Variants in WFDC1 observed in about 807,000 individuals in gnomAD.
WFDC1 encodes the protein WAP four-disulfide core domain 1.
WFDC1 carries 39 observed loss-of-function variants against 32.9 expected under a neutral mutation model. The observed-to-expected ratio is 1.19, with a 90% CI of 0.92 to 1.55. WFDC1 has a LOEUF of 1.55. Among genes scored for constraint, WFDC1 ranks in the 40% most tolerant of loss-of-function variants. WFDC1 has a pLI of 0.00. For missense variants in WFDC1, 386 were observed against 309.5 expected, an observed-to-expected ratio of 1.25 and a Z score of -1.85; for synonymous variants, 184 against 137.4, an observed-to-expected ratio of 1.34 and a Z score of -2.37.
intron 3 of WFDC1, chr16:84,318,910 TTGTGTGTGTGTGTGTG>T (rs58546650): frequency 1.3e-4 from 21 of 165,584 alleles, no homozygotes; most frequent in African/African-American, 4.1e-4. Flanking sequence ...GGCTGAATAT[TTGTGTGTGTGTGTGTG>T]TGTGTGTGTG....
rs1429543923 is a variant in WFDC1 at position 84,324,421 on chromosome 16, G to A, written c.565G>A (p.Gly189Arg). 6.2e-7 allele frequency: 1 copy of A among 1,613,608 alleles called. No homozygotes were observed. The highest frequency in any genetic ancestry group is 1.3e-5 in the African/African-American group (1 of 74,872). The change falls in exon 5 of 7, where the codon GGG becomes AGG. Residue 189 changes from glycine (G) to arginine (R), a missense_variant and splice_region_variant. Coordinates refer to ENST00000219454, the MANE Select transcript of WFDC1 (RefSeq NM_021197.4). Reference sequence around the variant, plus strand: ...TTTTCCTCTCACTTGTTTTCCAGATGGGCGAATCCTACGACACAAACTTTA... The same window carrying A: ...TTTTCCTCTCACTTGTTTTCCAGATAGGCGAATCCTACGACACAAACTTTA... The part of the protein sequence containing the change: ...QCVKQRRQAD[G>R]RILRHKLYKE...
At chr16:84,301,499 G>A (rs1005777406) in intron 1 of WFDC1, among the ~76,000 whole-genome samples, 14 of 152,098 alleles carry the variant, frequency 9.2e-5, no homozygotes, top group African/African-American at 2.4e-4. Flanking sequence ...CACACCCTGC[G>A]GGACTTCATC....
intron 2 of WFDC1, chr16:84,317,672 C>T (rs528234959): frequency 6.5e-6 from 1 of 153,922 alleles, no homozygotes; most frequent in Non-Finnish European, 1.4e-5. Flanking sequence ...TTTACCTGTG[C>T]AACAAACCTG....
chr16:84,322,145 CTGTGTGTGTGTGTGCGTGTG>C (rs112790375), intron 4 of WFDC1, among the ~76,000 whole-genome samples: 1,341 of 109,444 alleles, frequency 0.012, 20 homozygotes, highest in African/African-American at 0.041. Flanking sequence ...GCCTCAGAGC[CTGTGTGTGTGTGTGCGTGTG>C]TGTGTGTGTG....
intron 2 of WFDC1, among the ~76,000 whole-genome samples, chr16:84,313,875 C>G (rs1396829295): frequency 6.6e-6 from 1 of 152,174 alleles, no homozygotes; most frequent in East Asian, 1.9e-4. Flanking sequence ...AACCCCGTCT[C>G]TACTAAAAAT....
chr16:84,303,945 T>C (rs74035067), intron 1 of WFDC1, among the ~76,000 whole-genome samples: 10,843 of 152,272 alleles, frequency 0.071, 1,217 homozygotes, highest in African/African-American at 0.24. Flanking sequence ...GTGTCTGGCT[T>C]ATTCACACTG....
At chr16:84,308,791 G>A (rs977695002) in intron 1 of WFDC1, among the ~76,000 whole-genome samples, 2 of 152,110 alleles carry the variant, frequency 1.3e-5, no homozygotes, top group African/African-American at 4.8e-5. Context: ...CATGCTGAGT[G>A]TAGACGCCAG....
At chr16:84,320,306 T>G (rs1014337719) in intron 4 of WFDC1, among the ~76,000 whole-genome samples, 1 of 152,216 alleles carries the variant, frequency 6.6e-6, no homozygotes, top group Non-Finnish European at 1.5e-5. Context: ...ACTTAAGATA[T>G]TCTCAGCTTG....
At chr16:84,304,265 T>C (rs1310282594) in intron 1 of WFDC1, among the ~76,000 whole-genome samples, 1 of 152,176 alleles carries the variant, frequency 6.6e-6, no homozygotes, top group East Asian at 1.9e-4. Flanking sequence ...GTTTCACTCT[T>C]GTCACCCAGG....
intron 1 of WFDC1, among the ~76,000 whole-genome samples, chr16:84,304,811 A>C (rs964250326): frequency 1.3e-5 from 2 of 152,192 alleles, no homozygotes; most frequent in African/African-American, 4.8e-5. Flanking sequence ...AGAGGGGGCC[A>C]GGACAAATGT....
At chr16:84,323,177 G>A (rs1188543235) in intron 4 of WFDC1, among the ~76,000 whole-genome samples, 4 of 152,198 alleles carry the variant, frequency 2.6e-5, no homozygotes, top group Non-Finnish European at 5.9e-5. Flanking sequence ...CTGACCCACC[G>A]GAGGGCCTGG....
chr16:84,314,382 GTCTTCTCCACCCTCGGCTCTGCTC>G, intron 2 of WFDC1, among the ~76,000 whole-genome samples: 1 of 152,300 alleles, frequency 6.6e-6, no homozygotes, highest in South Asian at 2.1e-4. Flanking sequence ...CGGCAAGGAA[GTCTTCTCCACCCTCGGCTCTGCTC>G]AGGGTGATAA....
chr16:84,310,871 T>TA (rs1370437116), intron 1 of WFDC1, among the ~76,000 whole-genome samples: 3 of 152,306 alleles, frequency 2.0e-5, no homozygotes, highest in African/African-American at 7.2e-5. Context: ...AGATATGCCC[T>TA]ATGTACTGGG....
intron 1 of WFDC1, among the ~76,000 whole-genome samples, chr16:84,300,560 C>G (rs1022190916): frequency 3.9e-5 from 6 of 152,224 alleles, no homozygotes; most frequent in African/African-American, 1.4e-4. Context: ...AACTTCTGAT[C>G]CTTGTGAATG....
chr16:84,318,972 T>C (rs924949784), intron 3 of WFDC1: 2 of 207,210 alleles, frequency 9.7e-6, no homozygotes, highest in African/African-American at 4.6e-5. Flanking sequence ...GTATTGTGAG[T>C]GTACATGTGT....
At chr16:84,308,578 C>G (rs2151372845) in intron 1 of WFDC1, among the ~76,000 whole-genome samples, 1 of 152,352 alleles carries the variant, frequency 6.6e-6, no homozygotes, top group Middle Eastern at 3.4e-3. Context: ...GGCAGAGGAC[C>G]AGCACGTGCC....
intron 2 of WFDC1, among the ~76,000 whole-genome samples, chr16:84,314,132 G>T (rs1307796226): frequency 6.6e-6 from 1 of 152,214 alleles, no homozygotes; most frequent in South Asian, 2.1e-4. Context: ...GCGCGGGGCT[G>T]GGAGCAGATA....
intron 2 of WFDC1, chr16:84,317,502 C>G (rs1364433489): frequency 6.6e-6 from 1 of 152,100 alleles, no homozygotes; most frequent in African/African-American, 2.4e-5. Context: ...TTCCTGTCCC[C>G]TAGAGGCATT....
At position 84,298,866 on chromosome 16, in the gene WFDC1, C is replaced by T. The variant is rs933613300; in HGVS notation, c.144+3751C>T. Among the ~76,000 whole-genome samples the T allele has an allele frequency of 2.6e-5, 4 of 152,146 alleles. No individual in the cohort carries two copies. The South Asian group carries it at 8.3e-4, about 32-fold the overall frequency. On this transcript the variant is annotated intron_variant, in intron 1 of 6. Transcript: ENST00000219454. Reference sequence around the variant, plus strand: ...AGGAGAAGCTTCTAATGAGAAGTGCCGGGTCTCCCGCCTTCTATCTCTAAG... The same window carrying T: ...AGGAGAAGCTTCTAATGAGAAGTGCTGGGTCTCCCGCCTTCTATCTCTAAG...
Sources: allele counts gnomAD v4.1 joint callset (sites outside exome capture counted in the v4.1 genomes callset), GRCh38; gene constraint gnomAD v4.1.1; transcripts MANE v1.5; gene names NCBI Gene and HGNC (gene_info 2026-07-23, HGNC 2026-07-21).